KCTD19: variants seen among roughly 807,000 people sequenced by gnomAD.
KCTD19 encodes the protein potassium channel tetramerization domain containing 19.
In KCTD19, 67 loss-of-function variants were observed where a neutral mutation model predicts 103.5. The observed-to-expected ratio is 0.65, with a 90% CI of 0.53 to 0.79. The LOEUF is 0.79. Among genes scored for constraint, KCTD19 ranks in the 30% least tolerant of loss-of-function variants. The pLI is 0.00. For synonymous variants in KCTD19, 439 were observed against 452.2 expected (o/e 0.97, Z 0.37); for missense variants, 980 against 1,136.1 (o/e 0.86, Z 1.98).
intron 5 of KCTD19, 31 bp downstream of exon 5, chr16:67,301,760 G>C (rs751733264): frequency 1.2e-6 from 2 of 1,609,968 alleles, no homozygotes; most frequent in Non-Finnish European, 1.7e-6. Flanking sequence ...CAAGACTGTC[G>C]AGGGGGAGCC....
chr16:67,302,010 T>A, intron 4 of KCTD19, 88 bp from the exon 5 acceptor site: 1 of 1,213,458 alleles, frequency 8.2e-7, no homozygotes, highest in South Asian at 1.3e-5. Context: ...TCTGGTGCTG[T>A]AACTTATCCT....
Position 67,294,147 on chromosome 16 carries a change from A to G in KCTD19, c.1615T>C (p.Phe539Leu). ...GGAGTCCTGTCACTGCAGTCTTCGA[A>G]GTCCACAGGCATGTAGGCTGTGGTC... ...KETTAYMPVD[F>L]EDCSDRTPWN... is the part of the protein sequence containing the mutation. The change falls in exon 12 of 16, where the codon TTC becomes CTC. Residue 539 changes from phenylalanine to leucine, a missense_variant. Phe to Leu is a conservative substitution (Grantham distance 22). Transcript: ENST00000304372. The G allele has an allele frequency of 6.2e-7, 1 of 1,608,052 alleles. No individual in the cohort carries two copies. The highest frequency in any genetic ancestry group is 8.5e-7 in the Non-Finnish European group (1 of 1,174,956).
At chr16:67,297,436 C>T in intron 7 of KCTD19, 67 bp downstream of exon 7, 1 of 1,481,448 alleles carries the variant, frequency 6.8e-7, no homozygotes, top group Non-Finnish European at 9.4e-7. Context: ...GCCACATCAT[C>T]TATTCCCTCC....
In KCTD19 at chr16:67,320,781, G is replaced by A. The variant is rs1212880932; in HGVS notation, c.108C>T (p.Asp36=). 1.2e-6 allele frequency: 2 copies of A among 1,614,060 alleles called. No individual in the cohort carries two copies. The highest frequency in any genetic ancestry group is 2.7e-5 in the African/African-American group (2 of 74,924). The change falls in exon 2 of 16, where the codon GAC becomes GAT. Residue 36 remains aspartate (D), a synonymous_variant. Transcript: ENST00000304372. This position sits in a 1 kb window ranked among gnomAD's most constrained non-coding sequence, Gnocchi z 4.0. ...CTGAAGCCTCTTTCCACAGCAGGGA[G>A]TCTGGAAACTGAGAGAGTTTGCTTC... ...VPRSKLSQFP[D]SLLWKEASAL...
chr16:67,293,447 A>T lies in KCTD19; in HGVS notation c.2218+97T>A, dbSNP rs927444554. ...ATGGCATTGGTGAGCGGGGGGGTCTAGTCCTCCTTTGTCACTAACTTGCTC... is the reference window on the plus strand; with the variant it reads ...ATGGCATTGGTGAGCGGGGGGGTCTTGTCCTCCTTTGTCACTAACTTGCTC... On this transcript the variant is annotated intron_variant, in intron 12 of 15. Coordinates refer to ENST00000304372, the MANE Select transcript of KCTD19 (RefSeq NM_001100915.3). The surrounding 1 kb of genome is among the most constrained non-coding windows in gnomAD (Gnocchi z 4.0). The T allele has an allele frequency of 1.5e-6, 2 of 1,355,226 alleles. No individual in the cohort carries two copies. The highest frequency in any genetic ancestry group is 1.5e-5 in the African/African-American group (1 of 68,888). 84.0% of individuals were successfully genotyped at this position (1,355,226 alleles called of 1,614,324 possible).
At chr16:67,312,435 C>A (rs528777674) in intron 2 of KCTD19, among the ~76,000 whole-genome samples, 1 of 152,168 alleles carries the variant, frequency 6.6e-6, no homozygotes, top group South Asian at 2.1e-4. Flanking sequence ...TGTATTTCCC[C>A]TATAAACAAT....
intron 6 of KCTD19, among the ~76,000 whole-genome samples, chr16:67,298,484 G>A (rs1328121424): frequency 1.3e-5 from 2 of 152,064 alleles, no homozygotes; most frequent in Non-Finnish European, 2.9e-5. Context: ...TGCCTCATAC[G>A]CATCTGCCCA....
At chr16:67,291,122 T>G in intron 14 of KCTD19, 136 bp from the exon 15 acceptor site, 2 of 1,189,100 alleles carry the variant, frequency 1.7e-6, no homozygotes. Flanking sequence ...AATCTGCCTC[T>G]TGGCCGAGGC....
intron 1 of KCTD19, among the ~76,000 whole-genome samples, chr16:67,322,534 G>A (rs1020068087): frequency 1.3e-5 from 2 of 152,222 alleles, no homozygotes; most frequent in East Asian, 1.9e-4. Context: ...TCCTGACCTC[G>A]TGATCCACCT....
intron 3 of KCTD19, 132 bp downstream of exon 3, chr16:67,304,289 A>G: frequency 1.1e-6 from 1 of 882,714 alleles, no homozygotes; most frequent in Non-Finnish European, 1.8e-6. Context: ...AGGGCAGAAG[A>G]TCAAAGGAGA....
At chr16:67,312,216 A>G (rs2036957108) in intron 2 of KCTD19, among the ~76,000 whole-genome samples, 1 of 152,208 alleles carries the variant, frequency 6.6e-6, no homozygotes, top group South Asian at 2.1e-4. Flanking sequence ...GGGGGAAGTA[A>G]AAAAGAATCG....
intron 2 of KCTD19, among the ~76,000 whole-genome samples, chr16:67,314,822 TATATATATAGAGAGAGAGAGAGAG>T (rs1479246098): frequency 1.4e-5 from 1 of 70,602 alleles, no homozygotes. Flanking sequence ...TATATATATA[TATATATATAGAGAGAGAGAGAGAG>T]AGAGAGAGAG....
chr16:67,305,827 G>A (rs1311521794), intron 2 of KCTD19, among the ~76,000 whole-genome samples: 3 of 152,188 alleles, frequency 2.0e-5, no homozygotes, highest in African/African-American at 4.8e-5. Context: ...TGTCAATGAA[G>A]CCCTTGTGAC....
chr16:67,291,173 C>A (rs1003534455), intron 14 of KCTD19, 136 bp downstream of exon 14: 2 of 1,223,996 alleles, frequency 1.6e-6, no homozygotes, highest in East Asian at 2.5e-5. Flanking sequence ...CCCTGTCCCA[C>A]CACTCTTCTG....
Position 67,300,964 on chromosome 16 carries a change from T to C in KCTD19, c.775+827A>G, listed in dbSNP as rs553861672. The stretch of plus-strand genomic sequence containing the variant: ...CTGGCCAAGAGGATGGGTTTCTATT[T>C]GTCTGGGAGAAGGCTGGGAAATCTA... On this transcript the variant is annotated intron_variant, in intron 5 of 15. Transcript: ENST00000304372. The surrounding 1 kb of genome is among the most constrained non-coding windows in gnomAD (Gnocchi z 4.5). 1 of 152,362 alleles carries C rather than the reference T, an allele frequency of 6.6e-6. No individual in the cohort carries two copies. The highest frequency in any genetic ancestry group is 1.9e-4 in the East Asian group (1 of 5,186). 9.4% of individuals were successfully genotyped at this position (152,362 alleles called of 1,614,324 possible).
At chr16:67,310,739 G>T (rs543284878) in intron 2 of KCTD19, among the ~76,000 whole-genome samples, 6 of 152,198 alleles carry the variant, frequency 3.9e-5, no homozygotes, top group African/African-American at 7.2e-5. Flanking sequence ...GGGACTTAAC[G>T]GAGGTTTTCC....
chr16:67,291,218 C>T lies in KCTD19; in HGVS notation c.2565+91G>A, dbSNP rs567094278. On this transcript the variant is annotated intron_variant, in intron 14 of 15. Transcript: ENST00000304372. ...TTCTCCTTAACCCCATCTTGGCTTACTTCCTCTTGCCTTGCACCACTTATT... is the reference window on the plus strand; with the variant it reads ...TTCTCCTTAACCCCATCTTGGCTTATTTCCTCTTGCCTTGCACCACTTATT... The T allele has an allele frequency of 2.7e-6, 4 of 1,486,694 alleles. No individual in the cohort carries two copies. The African/African-American group carries it at 5.6e-5, about 21-fold the overall frequency. 92.1% of individuals were successfully genotyped at this position (1,486,694 alleles called of 1,614,324 possible). A position where few individuals can be genotyped will look rare whatever the true frequency, so the allele number is the denominator to read the frequency against.
In KCTD19 at chr16:67,326,671, G is replaced by A. The variant is rs1249489953; in HGVS notation, c.3+34C>T. 2.5e-6 allele frequency: 4 copies of A among 1,577,538 alleles called. No individual in the cohort carries two copies. The Admixed American group carries it at 7.0e-5, about 28-fold the overall frequency. On this transcript the variant is annotated intron_variant, in intron 1 of 15. Coordinates refer to ENST00000304372, the MANE Select transcript of KCTD19 (RefSeq NM_001100915.3). Reference sequence around the variant, plus strand: ...AGCGGCCCCCATTCGCCGCTTTGGTGCTTTTGGCGCCCCCGCCAGAGCGGG... The same window carrying A: ...AGCGGCCCCCATTCGCCGCTTTGGTACTTTTGGCGCCCCCGCCAGAGCGGG...
At chr16:67,294,236 A>G in intron 11 of KCTD19, 65 bp from the exon 12 acceptor site, 1 of 1,486,166 alleles carries the variant, frequency 6.7e-7, no homozygotes, top group African/African-American at 1.4e-5. Flanking sequence ...CTTGCCCAAG[A>G]TCTAATAAGC....
Sources: gnomAD v4.1 joint callset for allele counts (sites outside exome capture counted in the v4.1 genomes callset) on GRCh38, gnomAD v4.1.1 for gene constraint, Gnocchi (gnomAD v3.1) non-coding constraint, MANE v1.5 for transcripts, NCBI Gene and HGNC (gene_info 2026-07-23, HGNC 2026-07-21) for gene names.